The following TERF1 variants were observed in gnomAD, a reference collection of about 807,000 sequenced individuals.
The protein encoded by TERF1 is telomeric repeat-binding factor 1.
A neutral mutation model predicts 55.1 loss-of-function variants in TERF1; 20 were observed. The observed-to-expected ratio is 0.36, with a 90% CI of 0.26 to 0.53. TERF1 has a LOEUF of 0.53. Ranked by LOEUF, TERF1 falls within the 20% of genes least tolerant of loss-of-function variation. The probability of loss-of-function intolerance (pLI) is 0.91; values close to 1 mark genes in which losing one functional copy is unlikely to be tolerated. For missense variants in TERF1, 439 were observed against 535.7 expected, an observed-to-expected ratio of 0.82 and a Z score of 1.78; for synonymous variants, 168 against 181.2, an observed-to-expected ratio of 0.93 and a Z score of 0.59.
chr8:73,031,493 A>G (rs1291077185), intron 7 of TERF1: 1 of 152,180 alleles, frequency 6.6e-6, no homozygotes, highest in Non-Finnish European at 1.5e-5. Flanking sequence ...TGCTTTTTGA[A>G]TCTTAGTTTG....
intron 9 of TERF1, among the ~76,000 whole-genome samples, chr8:73,040,941 C>T (rs1180608894): frequency 6.6e-6 from 1 of 152,086 alleles, no homozygotes; most frequent in Non-Finnish European, 1.5e-5. Context: ...TGGCATTTCC[C>T]TTTGGTTCTT....
intron 3 of TERF1, 33 bp from the exon 4 acceptor site, chr8:73,022,183 C>A: frequency 1.5e-6 from 2 of 1,340,492 alleles, no homozygotes; most frequent in Non-Finnish European, 2.1e-6. Context: ...TATTTATAAA[C>A]GCAGTCTAAG....
At chr8:73,043,939 T>C (rs1305723135) in intron 9 of TERF1, among the ~76,000 whole-genome samples, 1 of 152,186 alleles carries the variant, frequency 6.6e-6, no homozygotes, top group African/African-American at 2.4e-5. Context: ...GTTGATAGGC[T>C]CTTTAAAGAG....
rs749277406 is a variant in TERF1 at position 73,032,123 on chromosome 8, A to G, written c.1029A>G (p.Gly343=). The G allele has an allele frequency of 1.2e-6, 2 of 1,609,816 alleles. No homozygotes were observed. The highest frequency in any genetic ancestry group is 1.7e-6 in the Non-Finnish European group (2 of 1,177,982). ...QDLNKKERRV[G]TPQSTKKKKE... ...TTAATAAGAAAGAAAGAAGAGTAGGAACTCCTCAAAGTGAGTACTGTTATA... is the reference window on the plus strand; with the variant it reads ...TTAATAAGAAAGAAAGAAGAGTAGGGACTCCTCAAAGTGAGTACTGTTATA... Residue 343 remains glycine, a synonymous_variant, in exon 8 of 10, where the codon GGA becomes GGG. Transcript: ENST00000276603.
intron 5 of TERF1, among the ~76,000 whole-genome samples, chr8:73,026,274 G>C (rs1169304931): frequency 1.3e-5 from 2 of 151,630 alleles, no homozygotes; most frequent in East Asian, 3.9e-4. Flanking sequence ...AAAATGGGTG[G>C]ATCGCTTGAG....
intron 8 of TERF1, among the ~76,000 whole-genome samples, chr8:73,034,839 A>G (rs1809442097): frequency 6.6e-6 from 1 of 152,058 alleles, no homozygotes; most frequent in Non-Finnish European, 1.5e-5. Context: ...AAAAAGGTAA[A>G]TAAAATGCCT....
intron 6 of TERF1, chr8:73,030,029 A>G (rs1331909423): frequency 4.7e-6 from 1 of 212,490 alleles, no homozygotes; most frequent in African/African-American, 2.3e-5. Flanking sequence ...TTAATAAAGC[A>G]GTTTTTAAAA....
At position 73,022,216 on chromosome 8, in the gene TERF1, G is replaced by A; in HGVS notation, c.538G>A (p.Ala180Thr). Residue 180 changes from alanine (A) to threonine (T), a missense_variant and splice_region_variant, in exon 4 of 10, where the codon GCT becomes ACT. Physicochemically the swap from Ala to Thr is moderately conservative, Grantham distance 58. Around this residue, in one of 4 missense-constraint regions of TERF1, gnomAD observed 95 missense variants for 167.2 expected, o/e 0.57. Coordinates refer to ENST00000276603, the MANE Select transcript of TERF1 (RefSeq NM_017489.3). ...EEIQNLIKIQAIAVCMENGNF... is the reference protein window; with the variant it reads ...EEIQNLIKIQTIAVCMENGNF... ...AAGGTTGGTATTTTTCATCTTTTAG[G>A]CTATAGCTGTTTGTATGGAAAATGG... 1.9e-6 allele frequency: 3 copies of A among 1,580,126 alleles called. No homozygotes were observed. Among genetic ancestry groups the A allele is most frequent in the Non-Finnish European group, 2.6e-6 (3 of 1,165,998 alleles).
At chr8:73,012,272 G>A (rs1357148621) in intron 1 of TERF1, 1 of 152,184 alleles carries the variant, frequency 6.6e-6, no homozygotes, top group East Asian at 1.9e-4. Context: ...CTTTACAATA[G>A]TAACATCAGA....
At chr8:73,033,157 A>C (rs1809365910) in intron 8 of TERF1, among the ~76,000 whole-genome samples, 1 of 152,096 alleles carries the variant, frequency 6.6e-6, no homozygotes, top group Non-Finnish European at 1.5e-5. Flanking sequence ...CCTGCAGTAA[A>C]TATTATAGAA....
chr8:73,026,594 A>ATTG (rs1174297483), intron 5 of TERF1, among the ~76,000 whole-genome samples: 2 of 151,750 alleles, frequency 1.3e-5, no homozygotes, highest in Non-Finnish European at 2.9e-5. Context: ...GAGCATCTTG[A>ATTG]TTGATTTGAG....
chr8:73,033,439 G>T (rs1436005032), intron 8 of TERF1, among the ~76,000 whole-genome samples: 1 of 152,140 alleles, frequency 6.6e-6, no homozygotes, highest in African/African-American at 2.4e-5. Flanking sequence ...TCAAAGAAAA[G>T]GAAATGTAGG....
intron 5 of TERF1, among the ~76,000 whole-genome samples, chr8:73,025,355 G>A (rs1438835974): frequency 1.3e-5 from 2 of 152,208 alleles, no homozygotes; most frequent in South Asian, 2.1e-4. Context: ...GGCCAGGCGC[G>A]GTGGCTCATG....
chr8:73,036,632 A>G (rs1809523871), intron 8 of TERF1, among the ~76,000 whole-genome samples: 1 of 151,710 alleles, frequency 6.6e-6, no homozygotes. Flanking sequence ...GAATTCTCAA[A>G]TGCTCAAGTC....
chr8:73,032,750 T>TA (rs1185995154), intron 8 of TERF1, among the ~76,000 whole-genome samples: 3 of 152,202 alleles, frequency 2.0e-5, no homozygotes, highest in African/African-American at 4.8e-5. Context: ...TCACAGTAGT[T>TA]ACGTTTAATA....
At chr8:73,015,417 G>T (rs1227049605) in intron 2 of TERF1, among the ~76,000 whole-genome samples, 3 of 150,450 alleles carry the variant, frequency 2.0e-5, no homozygotes, top group Non-Finnish European at 4.4e-5. Context: ...GTTAAGAAAA[G>T]TAGGCCAGGC....
chr8:73,022,373 TGGA>T (rs1212630620), intron 4 of TERF1, 71 bp downstream of exon 4: 3 of 926,038 alleles, frequency 3.2e-6, no homozygotes, highest in Non-Finnish European at 4.9e-6. Flanking sequence ...GAAAGAAAAT[TGGA>T]GGAGAAAAGA....
chr8:73,028,799 G>T (rs1211615650), intron 6 of TERF1, among the ~76,000 whole-genome samples: 1 of 152,038 alleles, frequency 6.6e-6, no homozygotes, highest in Non-Finnish European at 1.5e-5. Context: ...TTACTTCTGT[G>T]CTTTCATAGC....
chr8:73,018,199 T>A (rs1808603846), intron 2 of TERF1, among the ~76,000 whole-genome samples: 1 of 152,184 alleles, frequency 6.6e-6, no homozygotes, highest in Admixed American at 6.5e-5. Flanking sequence ...CTTAAGTACC[T>A]GACACAGAAC....
Sources: gnomAD v4.1 joint callset for allele counts (sites outside exome capture counted in the v4.1 genomes callset) on GRCh38, gnomAD v4.1.1 for gene constraint, gnomAD v4.1.1 regional missense constraint, MANE v1.5 for transcripts, NCBI Gene and HGNC (gene_info 2026-07-23, HGNC 2026-07-21) for gene names.